Variants in CNTNAP2 observed in about 807,000 individuals in gnomAD.
CNTNAP2 encodes contactin-associated protein-like 2.
A neutral mutation model predicts 155.2 loss-of-function variants in CNTNAP2; 98 were observed. The observed-to-expected ratio is 0.63, with a 90% CI of 0.54 to 0.75. The LOEUF (loss-of-function observed/expected upper bound fraction) is 0.75, where lower values mean the gene tolerates loss of function less well. Ranked by LOEUF, CNTNAP2 falls within the 30% of genes least tolerant of loss-of-function variation. The pLI is 0.00. For missense variants in CNTNAP2, 1,727 were observed against 1,688.1 expected, an observed-to-expected ratio of 1.02 and a Z score of -0.40; for synonymous variants, 651 against 631.2, an observed-to-expected ratio of 1.03 and a Z score of -0.47.
intron 1 of CNTNAP2, among the ~76,000 whole-genome samples, chr7:146,214,598 A>G (rs1253818751): frequency 1.3e-5 from 2 of 152,170 alleles, no homozygotes; most frequent in African/African-American, 2.4e-5. Context: ...GAGGATCAAC[A>G]CTGTTATTTA....
intron 2 of CNTNAP2, among the ~76,000 whole-genome samples, chr7:146,830,123 C>A (rs551597199): frequency 6.6e-6 from 1 of 152,156 alleles, no homozygotes; most frequent in South Asian, 2.1e-4. Context: ...TCTAATTTTA[C>A]TATAATCGAA....
intron 3 of CNTNAP2, among the ~76,000 whole-genome samples, chr7:147,000,074 T>G (rs1047724990): frequency 6.6e-6 from 1 of 151,944 alleles, no homozygotes; most frequent in Non-Finnish European, 1.5e-5. Context: ...TTTATTTCCT[T>G]TTTCCCCTTT....
At chr7:146,300,170 T>C (rs1800581896) in intron 1 of CNTNAP2, among the ~76,000 whole-genome samples, 2 of 152,096 alleles carry the variant, frequency 1.3e-5, no homozygotes, top group Admixed American at 1.3e-4. Context: ...TCTAAGTCTA[T>C]AAGAACAAAG....
intron 14 of CNTNAP2, among the ~76,000 whole-genome samples, chr7:147,973,541 C>A (rs1801373759): frequency 6.6e-6 from 1 of 152,032 alleles, no homozygotes; most frequent in Admixed American, 6.6e-5. Context: ...TTCTAGAATT[C>A]TTTTTTGCTT....
At chr7:147,688,268 T>C (rs533315220) in intron 13 of CNTNAP2, among the ~76,000 whole-genome samples, 1 of 152,182 alleles carries the variant, frequency 6.6e-6, no homozygotes, top group South Asian at 2.1e-4. Context: ...AAGAACAAAA[T>C]GTCGATAGCC....
At chr7:146,495,232 A>C (rs1202370669) in intron 1 of CNTNAP2, among the ~76,000 whole-genome samples, 1 of 152,194 alleles carries the variant, frequency 6.6e-6, no homozygotes, top group Non-Finnish European at 1.5e-5. Context: ...GAGAGAACAG[A>C]TTTCCCAAAA....
At position 147,091,437 on chromosome 7, in the gene CNTNAP2, T is replaced by C. The variant is rs561874827; in HGVS notation, c.551-16710T>C. Among the ~76,000 whole-genome samples the C allele has an allele frequency of 7.2e-5, 11 of 152,182 alleles. No homozygotes were observed. The East Asian group carries it at 2.2e-3, about 30-fold the overall frequency. ...GATTCTAAGTTTATATTAAAGAAAC[T>C]CAACCATATACTTTTTTCTTTTTTC... On this transcript the variant is annotated intron_variant, in intron 4 of 23. Transcript: ENST00000361727.
intron 1 of CNTNAP2, among the ~76,000 whole-genome samples, chr7:146,215,471 G>A (rs144329386): frequency 2.0e-5 from 3 of 152,048 alleles, no homozygotes; most frequent in East Asian, 1.9e-4. Flanking sequence ...GCTAAAAATC[G>A]TTATGTGATT....
rs56744213 is a variant in CNTNAP2, at chr7:147,175,262, C to CTTTT, written c.1348+42757_1348+42760dup. Among the ~76,000 whole-genome samples, 57 of 151,670 alleles carry CTTTT rather than the reference C, an allele frequency of 3.8e-4. No homozygotes were observed. The South Asian group carries it at 5.8e-3, about 15-fold the overall frequency. Reference sequence around the variant, plus strand: ...AATTGAAATATGCAGCCCTTCTGCTCTTTTTTTGTAACTCCTATATTCCCT... The same window carrying CTTTT: ...AATTGAAATATGCAGCCCTTCTGCTCTTTTTTTTTTTGTAACTCCTATATTCCCT... On this transcript the variant is annotated intron_variant, in intron 8 of 23. Transcript: ENST00000361727.
intron 1 of CNTNAP2, among the ~76,000 whole-genome samples, chr7:146,140,326 A>G (rs1797859054): frequency 6.6e-6 from 1 of 152,036 alleles, no homozygotes; most frequent in South Asian, 2.1e-4. Flanking sequence ...CTCAAGTTTC[A>G]TCTGTCCATC....
chr7:146,183,639 T>TAAA (rs1055533987), intron 1 of CNTNAP2, among the ~76,000 whole-genome samples: 11 of 150,438 alleles, frequency 7.3e-5, no homozygotes, highest in African/African-American at 1.2e-4. Context: ...ATAATAATAA[T>TAAA]AAATGTGTCA....
chr7:147,262,490 G>C (rs778575004), intron 8 of CNTNAP2, among the ~76,000 whole-genome samples: 1 of 152,086 alleles, frequency 6.6e-6, no homozygotes, highest in Non-Finnish European at 1.5e-5. Context: ...GACACACACA[G>C]AGGGAGGGGT....
chr7:147,661,745 G>A (rs1221708171), intron 13 of CNTNAP2, among the ~76,000 whole-genome samples: 2 of 151,970 alleles, frequency 1.3e-5, no homozygotes, highest in African/African-American at 4.8e-5. Flanking sequence ...TAGAGACGGG[G>A]TTTCACCATG....
chr7:146,798,836 C>T (rs1160609255), intron 2 of CNTNAP2, among the ~76,000 whole-genome samples: 1 of 152,084 alleles, frequency 6.6e-6, no homozygotes, highest in Non-Finnish European at 1.5e-5. Context: ...ATTATAATTA[C>T]CCACATTTTC....
intron 3 of CNTNAP2, among the ~76,000 whole-genome samples, chr7:146,860,583 A>T (rs1795078202): frequency 6.6e-6 from 1 of 152,210 alleles, no homozygotes; most frequent in Non-Finnish European, 1.5e-5. Flanking sequence ...AAAATGGATC[A>T]TATTGATCTA....
At chr7:146,502,224 AAT>A (rs59759183) in intron 1 of CNTNAP2, among the ~76,000 whole-genome samples, 3,554 of 94,496 alleles carry the variant, frequency 0.038, 61 homozygotes, top group African/African-American at 0.089. Flanking sequence ...TATATATATG[AAT>A]ATATATATAT....
At chr7:148,333,067 C>G (rs1563047016) in intron 21 of CNTNAP2, among the ~76,000 whole-genome samples, 1 of 152,096 alleles carries the variant, frequency 6.6e-6, no homozygotes, top group Non-Finnish European at 1.5e-5. Context: ...CAGCCCTGCT[C>G]CTCCAAACAT....
chr7:147,639,345 C>T, intron 13 of CNTNAP2, 39 bp downstream of exon 13: 1 of 1,580,060 alleles, frequency 6.3e-7, no homozygotes, highest in Non-Finnish European at 8.7e-7. Context: ...ATCACTATCT[C>T]AGCTGGTGCT....
chr7:147,881,900 A>C (rs10261418), intron 13 of CNTNAP2, among the ~76,000 whole-genome samples: 5,952 of 152,162 alleles, frequency 0.039, 374 homozygotes, highest in African/African-American at 0.14. Context: ...TGAACCTGGG[A>C]AGCGGAGGTT....
Sources: gnomAD v4.1 joint callset for allele counts (sites outside exome capture counted in the v4.1 genomes callset) on GRCh38, gnomAD v4.1.1 for gene constraint, MANE v1.5 for transcripts, NCBI Gene and HGNC (gene_info 2026-07-23, HGNC 2026-07-21) for gene names.